Variants in CTBP2 observed in about 807,000 individuals in gnomAD.
The protein encoded by CTBP2 is C-terminal binding protein 2, also known as C-terminal-binding protein 2.
Under a neutral mutation model 80.3 loss-of-function variants are expected in CTBP2, and 30 were observed. The ratio of observed to expected loss-of-function variants is 0.37; its 90% CI spans 0.28 to 0.51. The LOEUF (loss-of-function observed/expected upper bound fraction) is 0.51. Among genes scored for constraint, CTBP2 ranks in the 20% least tolerant of loss-of-function variants. The pLI is 0.93. For missense variants in CTBP2, 1,212 were observed against 1,375.3 expected, an observed-to-expected ratio of 0.88 and a Z score of 1.88; for synonymous variants, 594 against 587.4, an observed-to-expected ratio of 1.01 and a Z score of -0.16.
intron 1 of CTBP2, chr10:125,159,924 C>T: frequency 5.2e-5 from 8 of 154,116 alleles, no homozygotes; most frequent in Non-Finnish European, 9.9e-5. Context: ...CCGCCGCCGC[C>T]GCTGCCCTCC....
chr10:125,049,041 C>CCACACACACACA (rs1364121384), intron 2 of CTBP2, among the ~76,000 whole-genome samples: 9 of 112,480 alleles, frequency 8.0e-5, no homozygotes, highest in African/African-American at 2.0e-4. Flanking sequence ...GCCCGCCTGA[C>CCACACACACACA]CACAGACACA....
chr10:125,110,993 T>C lies in CTBP2; in HGVS notation c.-105A>G, dbSNP rs1852209079. ...GAGATATTTCACAATAACTCACCAA[T>C]ATAAATCTGTCCACAAACTCTATAG... On this transcript the variant is annotated 5_prime_UTR_variant, in exon 2 of 11. It adds an upstream start codon to the 5' untranslated region. Transcript: ENST00000337195. The C allele has an allele frequency of 6.6e-6, 1 of 152,652 alleles. No individual in the cohort carries two copies. The highest frequency in any genetic ancestry group is 2.4e-5 in the African/African-American group (1 of 41,462). 9.5% of individuals were successfully genotyped at this position (152,652 alleles called of 1,614,324 possible).
upstream of CTBP2, among the ~76,000 whole-genome samples, chr10:125,028,210 C>A (rs1399415208): frequency 6.6e-6 from 1 of 152,210 alleles, no homozygotes; most frequent in African/African-American, 2.4e-5. Flanking sequence ...CTGGGATTTA[C>A]TTCCACACTG....
chr10:124,984,703 C>T lies in CTBP2; in HGVS notation c.*4815G>A. On this transcript the variant is annotated 3_prime_UTR_variant, in exon 9 of 9. Coordinates refer to ENST00000309035, the MANE Select transcript of CTBP2 (RefSeq NM_022802.3). ...GAGTTAGCATACCAGCTGTAGGTTT[C>T]CATGTCACATTCCTACCAAGTCTCT... is the stretch of plus-strand genomic sequence containing the variant. 2 of 1,490,986 alleles carry T rather than the reference C, an allele frequency of 1.3e-6. No homozygotes were observed. Among genetic ancestry groups the T allele is most frequent in the Non-Finnish European group, 1.8e-6 (2 of 1,093,262 alleles). The allele number at this position is 1,490,986 out of a possible 1,614,324, so 92.4% of individuals were successfully genotyped here.
intron 1 of CTBP2, among the ~76,000 whole-genome samples, chr10:125,013,569 G>A (rs1299867819): frequency 6.6e-6 from 1 of 152,182 alleles, no homozygotes; most frequent in Non-Finnish European, 1.5e-5. Context: ...CATATGCTGA[G>A]CATCATGACC....
chr10:124,989,822 A>G, intron 8 of CTBP2, 124 bp from the exon 11 acceptor site: 1 of 924,330 alleles, frequency 1.1e-6, no homozygotes, highest in Admixed American at 3.4e-5. Context: ...GCTCACCTTG[A>G]CCGACCTTCT....
At chr10:124,995,711 A>C (rs1953390648) in intron 4 of CTBP2, among the ~76,000 whole-genome samples, 1 of 152,224 alleles carries the variant, frequency 6.6e-6, no homozygotes, top group Non-Finnish European at 1.5e-5. Flanking sequence ...CAACTAGTAT[A>C]GCAAGGCACG....
At chr10:125,124,307 T>G (rs1854846256) in intron 1 of CTBP2, among the ~76,000 whole-genome samples, 1 of 152,184 alleles carries the variant, frequency 6.6e-6, no homozygotes. Flanking sequence ...TAGGAAGGGC[T>G]GGCATACTCG....
At chr10:125,011,072 A>G (rs1222597872) in intron 1 of CTBP2, among the ~76,000 whole-genome samples, 1 of 152,212 alleles carries the variant, frequency 6.6e-6, no homozygotes, top group Non-Finnish European at 1.5e-5. Flanking sequence ...AGGAGGGAAA[A>G]AATCGAGTGT....
chr10:125,041,928 TAAAAAA>T (rs61316302), intron 2 of CTBP2, among the ~76,000 whole-genome samples: 238 of 123,288 alleles, frequency 1.9e-3, no homozygotes, highest in African/African-American at 6.7e-3. Flanking sequence ...ATTCCACTAT[TAAAAAA>T]AAAAAAAGAG....
At chr10:125,009,129 G>A (rs1162310755) in intron 1 of CTBP2, among the ~76,000 whole-genome samples, 1 of 152,218 alleles carries the variant, frequency 6.6e-6, no homozygotes, top group Non-Finnish European at 1.5e-5. Flanking sequence ...TTTGTTGGGT[G>A]AACTCTCGTG....
chr10:125,037,822 G>A (rs1482628570), intron 3 of CTBP2, among the ~76,000 whole-genome samples: 1 of 152,114 alleles, frequency 6.6e-6, no homozygotes, highest in Non-Finnish European at 1.5e-5. Context: ...TGCTGCCCCT[G>A]AATTTTTTCA....
At chr10:125,108,051 GGA>G (rs1211832437) in intron 2 of CTBP2, among the ~76,000 whole-genome samples, 5 of 152,194 alleles carry the variant, frequency 3.3e-5, no homozygotes, top group Admixed American at 6.5e-5. Context: ...CTGAAGTGAT[GGA>G]GAACGAAGTC....
chr10:125,152,235 C>T (rs1219302160), intron 1 of CTBP2, among the ~76,000 whole-genome samples: 1 of 152,126 alleles, frequency 6.6e-6, no homozygotes, highest in East Asian at 1.9e-4. Context: ...AACCCCGGGA[C>T]CCCGGGACCC....
intron 2 of CTBP2, among the ~76,000 whole-genome samples, chr10:125,108,989 A>G (rs1451529097): frequency 6.6e-6 from 1 of 152,206 alleles, no homozygotes; most frequent in Non-Finnish European, 1.5e-5. Context: ...AGCGTGTCAC[A>G]ATTTCATTCT....
chr10:125,050,526 G>A (rs1340560911), intron 2 of CTBP2, among the ~76,000 whole-genome samples: 1 of 152,208 alleles, frequency 6.6e-6, no homozygotes, highest in Non-Finnish European at 1.5e-5. Context: ...GAGAGCGGGC[G>A]TCTCGCAGAG....
At chr10:125,049,381 A>G (rs1467636992) in intron 2 of CTBP2, among the ~76,000 whole-genome samples, 1 of 152,174 alleles carries the variant, frequency 6.6e-6, no homozygotes, top group African/African-American at 2.4e-5. Context: ...TTGGCAGAGG[A>G]TGCCTTTGGA....
chr10:125,003,546 G>A (rs1954827114), intron 1 of CTBP2, 54 bp from the exon 4 acceptor site: 13 of 1,393,884 alleles, frequency 9.3e-6, no homozygotes, highest in South Asian at 1.5e-5. Flanking sequence ...GCCACAGGGT[G>A]CGTGGAGGGG....
intron 2 of CTBP2, among the ~76,000 whole-genome samples, chr10:125,040,182 C>T (rs924354656): frequency 1.3e-5 from 2 of 152,242 alleles, no homozygotes; most frequent in Non-Finnish European, 1.5e-5. Flanking sequence ...TGGCCAGGCA[C>T]GGTGGCTCAT....
Sources: gnomAD v4.1 joint callset for allele counts (sites outside exome capture counted in the v4.1 genomes callset) on GRCh38, gnomAD v4.1.1 for gene constraint, MANE v1.5 for transcripts, NCBI Gene and HGNC (gene_info 2026-07-23, HGNC 2026-07-21) for gene names.